The following TRAPPC2L variants were observed in gnomAD, a reference collection of about 807,000 sequenced individuals.
The protein encoded by TRAPPC2L is trafficking protein particle complex subunit 2L.
TRAPPC2L carries 17 observed loss-of-function variants against 13.2 expected under a neutral mutation model. The observed-to-expected ratio is 1.29, with a 90% CI of 0.88 to 1.93. The LOEUF is 1.93. TRAPPC2L is among the 30% of genes most tolerant of loss of function. The pLI, the probability that TRAPPC2L is intolerant of heterozygous loss-of-function variation, is 0.00. For synonymous variants in TRAPPC2L, 150 were observed against 98.1 expected (o/e 1.53, Z -3.12); for missense variants, 359 against 252.1 (o/e 1.42, Z -2.87).
chr16:88,859,158 C>T (rs1968198864), intron 2 of TRAPPC2L: 2 of 438,240 alleles, frequency 4.6e-6, no homozygotes, highest in South Asian at 4.0e-5. Flanking sequence ...GGCCTTGCCT[C>T]TTATGTCACT....
At chr16:88,859,793 G>C in intron 3 of TRAPPC2L, 43 bp downstream of exon 3, 1 of 1,594,292 alleles carries the variant, frequency 6.3e-7, no homozygotes, top group Non-Finnish European at 8.6e-7. Flanking sequence ...TGGGTGTTTT[G>C]TTTTTCCTTT....
chr16:88,857,928 G>A (rs1463576411), intron 1 of TRAPPC2L, among the ~76,000 whole-genome samples: 1 of 152,230 alleles, frequency 6.6e-6, no homozygotes, highest in Non-Finnish European at 1.5e-5. Context: ...ACTCGAGACC[G>A]CTCCCTGCTG....
chr16:88,860,596 G>A (rs1478349644), exon 4 of TRAPPC2L: 5 of 587,148 alleles, frequency 8.5e-6, no homozygotes, highest in Non-Finnish European at 1.5e-5. Flanking sequence ...GAGCAGGCAG[G>A]CGAATGTCCA....
At chr16:88,861,533 G>A (rs1026568553) in exon 4 of TRAPPC2L, 8 of 411,312 alleles carry the variant, frequency 1.9e-5, no homozygotes, top group South Asian at 3.4e-5. Context: ...GCCCCGCGGC[G>A]TTGGCTCAGC....
exon 4 of TRAPPC2L, chr16:88,861,901 A>C: frequency 3.5e-6 from 1 of 287,934 alleles, no homozygotes. Flanking sequence ...TTTTCATCCC[A>C]TCTAGCAAGC....
chr16:88,856,600 T>G, upstream of TRAPPC2L: 4 of 160,078 alleles, frequency 2.5e-5, no homozygotes, highest in East Asian at 1.4e-4. Flanking sequence ...CCCCTCCCCC[T>G]CCTCCTCCCC....
chr16:88,857,123 C>G, upstream of TRAPPC2L: 1 of 1,545,452 alleles, frequency 6.5e-7, no homozygotes, highest in Non-Finnish European at 8.7e-7. Context: ...GGTCACGTGA[C>G]GCGGTGCCTG....
At chr16:88,857,168 G>T (rs773218010) in exon 1 of TRAPPC2L, 22 of 1,582,294 alleles carry the variant, frequency 1.4e-5, no homozygotes, top group East Asian at 2.4e-5. Context: ...TGTGCATCGC[G>T]GTGATTGCCA....
At chr16:88,861,570 C>T (rs568576418) in exon 4 of TRAPPC2L, 57 of 466,548 alleles carry the variant, frequency 1.2e-4, no homozygotes, top group South Asian at 6.2e-4. Flanking sequence ...AACCTTGGAG[C>T]GCAGACTTGA....
chr16:88,856,981 C>G, upstream of TRAPPC2L: 4 of 1,393,260 alleles, frequency 2.9e-6, no homozygotes, highest in African/African-American at 3.0e-5. Flanking sequence ...GGCCACGTGA[C>G]TCGCGGGGCG....
chr16:88,861,752 G>A, exon 4 of TRAPPC2L: 1 of 453,250 alleles, frequency 2.2e-6, no homozygotes, highest in Non-Finnish European at 4.5e-6. Flanking sequence ...CCCGGAGTTG[G>A]TTCCAGCACT....
Position 88,860,304 on chromosome 16 carries a change from C to G in TRAPPC2L, c.706C>G (p.Arg236Gly), listed in dbSNP as rs780812677. Reference sequence around the variant, plus strand: ...TGGGCAGTGGCTTTCAGGGATCACACGTCCTTTTGTAGCTACCTGATCTTT... The same window carrying G: ...TGGGCAGTGGCTTTCAGGGATCACAGGTCCTTTTGTAGCTACCTGATCTTT... Residue 236 changes from arginine (R) to glycine (G), a missense_variant, in exon 4 of 4, where the codon CGT (arginine) becomes GGT (glycine). Coordinates refer to ENST00000565504, the Ensembl canonical transcript of TRAPPC2L. The G allele has an allele frequency of 1.7e-5, 12 of 696,260 alleles. No homozygotes were observed. In the African/African-American group the frequency reaches 2.1e-4, roughly 12 times the overall value. 43.1% of individuals were successfully genotyped at this position (696,260 alleles called of 1,614,324 possible).
At chr16:88,862,163 A>C (rs1286122987) in exon 4 of TRAPPC2L, 1 of 154,912 alleles carries the variant, frequency 6.5e-6, no homozygotes, top group East Asian at 1.9e-4. Flanking sequence ...CCTGGCATGA[A>C]ATCTTTGCCT....
upstream of TRAPPC2L, chr16:88,856,340 G>A (rs372253680): frequency 7.1e-6 from 5 of 702,576 alleles, no homozygotes; most frequent in East Asian, 2.7e-5. Flanking sequence ...GGCAGGAGCA[G>A]CCTCTTCCTC....
At chr16:88,860,539 C>T (rs979167301) in exon 4 of TRAPPC2L, 19 of 592,848 alleles carry the variant, frequency 3.2e-5, no homozygotes, top group Non-Finnish European at 4.8e-5. Flanking sequence ...AGGCAGGCCC[C>T]TCCCTCCACC....
At chr16:88,859,214 A>C in intron 2 of TRAPPC2L, 1 of 500,336 alleles carries the variant, frequency 2.0e-6, no homozygotes, top group Non-Finnish European at 3.9e-6. Flanking sequence ...AGGCCATGGA[A>C]TTCAAAGACC....
rs542016266 is a variant in TRAPPC2L, at chr16:88,858,630, C to G, written c.45C>G (p.Leu15=). The change falls in exon 2 of 4, where the codon CTC becomes CTG. Residue 15 remains leucine (L), a synonymous_variant. Transcript: ENST00000565504. The stretch of plus-strand genomic sequence containing the variant: ...ATCCTTTCTTGCAGAATTACCCCCT[C>G]TACATTCGCAGCACCCCTACGGAGA... 4.4e-5 allele frequency: 71 copies of G among 1,612,868 alleles called. 1 individual carries two copies. The highest frequency in any genetic ancestry group is 5.8e-5 in the Non-Finnish European group (69 of 1,179,826).
At chr16:88,859,917 T>C (rs1968255953) in exon 4 of TRAPPC2L, 10 of 1,556,738 alleles carry the variant, frequency 6.4e-6, no homozygotes, top group Non-Finnish European at 8.6e-6. Flanking sequence ...ACACAACTCC[T>C]ACACAGACGT....
At chr16:88,856,907 C>T, upstream of TRAPPC2L, 1 of 1,498,452 alleles carries the variant, frequency 6.7e-7, no homozygotes, top group Non-Finnish European at 8.8e-7. Flanking sequence ...GAGCCCCGGC[C>T]AGCGAGCCGA....
Sources: allele counts gnomAD v4.1 joint callset (sites outside exome capture counted in the v4.1 genomes callset), GRCh38; gene constraint gnomAD v4.1.1; transcripts MANE v1.5; gene names NCBI Gene and HGNC (gene_info 2026-07-23, HGNC 2026-07-21).